ADAMTS20: variants seen among roughly 807,000 people sequenced by gnomAD.
ADAMTS20 encodes A disintegrin and metalloproteinase with thrombospondin motifs 20.
In ADAMTS20, 225 loss-of-function variants were observed where a neutral mutation model predicts 260.1. That is an observed-to-expected ratio of 0.87 (90% CI 0.78 to 0.97). The LOEUF is 0.97. Ranked by LOEUF, ADAMTS20 falls within the 50% of genes least tolerant of loss-of-function variation. ADAMTS20 has a pLI of 0.00. For missense variants in ADAMTS20, 2,400 were observed against 2,337.7 expected (o/e 1.03, Z -0.55); for synonymous variants, 802 against 769.5 (o/e 1.04, Z -0.70).
intron 7 of ADAMTS20, among the ~76,000 whole-genome samples, chr12:43,485,961 C>T (rs919658228): frequency 1.3e-5 from 2 of 152,050 alleles, no homozygotes; most frequent in Non-Finnish European, 2.9e-5. Context: ...ACATCCCATG[C>T]TTGTGGACTG....
chr12:43,389,171 T>C (rs1450378354), intron 29 of ADAMTS20, among the ~76,000 whole-genome samples: 1 of 152,184 alleles, frequency 6.6e-6, no homozygotes, highest in Non-Finnish European at 1.5e-5. Flanking sequence ...TTCAAAAGTC[T>C]ATAAAGTCCA....
In ADAMTS20 at chr12:43,464,744, A is replaced by G; in HGVS notation, c.1368-12T>C. On this transcript the variant is annotated splice_polypyrimidine_tract_variant and intron_variant, in intron 9 of 38. Transcript: ENST00000389420. ...CCCCGTAACCAGTACTGTAACAGTG[A>G]CAGAAAATAAAATATTGTGAATACA... The G allele has an allele frequency of 6.2e-7, 1 of 1,603,206 alleles. No homozygotes were observed. The highest frequency in any genetic ancestry group is 8.5e-7 in the Non-Finnish European group (1 of 1,175,262).
chr12:43,538,950 A>ATTTTT (rs1592116285), intron 2 of ADAMTS20, among the ~76,000 whole-genome samples: 8 of 119,102 alleles, frequency 6.7e-5, no homozygotes, highest in African/African-American at 1.7e-4. Flanking sequence ...TTTTATGAAC[A>ATTTTT]TTCTTTTTTT....
chr12:43,376,797 C>CCCCCAGCATAGTT, intron 32 of ADAMTS20, 144 bp from the exon 33 acceptor site: 2 of 926,562 alleles, frequency 2.2e-6, no homozygotes, highest in Non-Finnish European at 3.1e-6. Flanking sequence ...CAAAACTATG[C>CCCCCAGCATAGTT]TGGGGGCTGG....
At chr12:43,522,747 T>C (rs1432598139) in intron 3 of ADAMTS20, among the ~76,000 whole-genome samples, 1 of 152,186 alleles carries the variant, frequency 6.6e-6, no homozygotes, top group Non-Finnish European at 1.5e-5. Flanking sequence ...TGTTTGTTCA[T>C]CTCATGGGTT....
chr12:43,452,912 C>G (rs1229399545), intron 12 of ADAMTS20, among the ~76,000 whole-genome samples: 1 of 152,050 alleles, frequency 6.6e-6, no homozygotes, highest in African/African-American at 2.4e-5. Context: ...AGGGCAGAAA[C>G]GATACCTTAT....
At chr12:43,475,705 C>A (rs1334594892) in intron 7 of ADAMTS20, among the ~76,000 whole-genome samples, 16 of 149,854 alleles carry the variant, frequency 1.1e-4, no homozygotes, top group African/African-American at 3.7e-4. Flanking sequence ...CTACAACTAT[C>A]TGATCTTTGA....
At chr12:43,443,334 T>C (rs1481565157) in intron 16 of ADAMTS20, among the ~76,000 whole-genome samples, 1 of 152,162 alleles carries the variant, frequency 6.6e-6, no homozygotes, top group Non-Finnish European at 1.5e-5. Context: ...CATATAAAAA[T>C]GTGAAACCAC....
intron 36 of ADAMTS20, among the ~76,000 whole-genome samples, 185 bp from the exon 37 acceptor site, chr12:43,369,566 G>C (rs1362199533): frequency 6.6e-6 from 1 of 151,912 alleles, no homozygotes; most frequent in African/African-American, 2.4e-5. Flanking sequence ...AACAAATTTT[G>C]TTTAATATAA....
At chr12:43,441,326 T>C (rs1219853488) in intron 16 of ADAMTS20, among the ~76,000 whole-genome samples, 2 of 151,658 alleles carry the variant, frequency 1.3e-5, no homozygotes, top group African/African-American at 2.4e-5. Flanking sequence ...TTTATTTATA[T>C]ACTATATATA....
chr12:43,444,362 T>C (rs1412859710), intron 15 of ADAMTS20, among the ~76,000 whole-genome samples: 1 of 152,078 alleles, frequency 6.6e-6, no homozygotes, highest in Non-Finnish European at 1.5e-5. Context: ...TCAATTTCAT[T>C]ATTGAAAAAT....
At chr12:43,508,012 G>A (rs1165864148) in intron 3 of ADAMTS20, among the ~76,000 whole-genome samples, 1 of 151,998 alleles carries the variant, frequency 6.6e-6, no homozygotes, top group Non-Finnish European at 1.5e-5. Flanking sequence ...AGGAGGGAGA[G>A]GAGCAGAAAA....
chr12:43,460,988 A>ATATTTTTTTTTTT, intron 11 of ADAMTS20, among the ~76,000 whole-genome samples: 1 of 26,394 alleles, frequency 3.8e-5, no homozygotes, highest in African/African-American at 1.3e-4. Flanking sequence ...ATATATATAT[A>ATATTTTTTTTTTT]TTTTTTTTTT....
At chr12:43,539,733 C>T (rs73087883) in intron 2 of ADAMTS20, among the ~76,000 whole-genome samples, 22,321 of 152,108 alleles carry the variant, frequency 0.15, 2,294 homozygotes, top group African/African-American at 0.29. Context: ...TTTTAAAAAG[C>T]ATGCTGAAGA....
At chr12:43,420,914 T>A (rs917881010) in intron 28 of ADAMTS20, among the ~76,000 whole-genome samples, 2 of 150,070 alleles carry the variant, frequency 1.3e-5, no homozygotes, top group African/African-American at 4.9e-5. Context: ...TTCAAGCGAT[T>A]CTTCTGCCTC....
chr12:43,472,764 T>C (rs1430155807), intron 7 of ADAMTS20, among the ~76,000 whole-genome samples: 1 of 151,484 alleles, frequency 6.6e-6, no homozygotes, highest in African/African-American at 2.4e-5. Flanking sequence ...AGAAATAAAA[T>C]ACTTTACAAA....
At chr12:43,517,980 A>G (rs1943021835) in intron 3 of ADAMTS20, among the ~76,000 whole-genome samples, 1 of 152,018 alleles carries the variant, frequency 6.6e-6, no homozygotes, top group Non-Finnish European at 1.5e-5. Context: ...TGATAATTTT[A>G]TTTTTCACTG....
At chr12:43,548,744 T>C (rs1416886555) in intron 2 of ADAMTS20, among the ~76,000 whole-genome samples, 1 of 152,106 alleles carries the variant, frequency 6.6e-6, no homozygotes, top group Non-Finnish European at 1.5e-5. Flanking sequence ...TTGATACCTC[T>C]AGTTATTTCC....
At chr12:43,519,463 T>C (rs1377831753) in intron 3 of ADAMTS20, among the ~76,000 whole-genome samples, 2 of 151,026 alleles carry the variant, frequency 1.3e-5, no homozygotes, top group Admixed American at 6.6e-5. Flanking sequence ...AATGAACAAA[T>C]AAAAAAAAAC....
Sources: gnomAD v4.1 joint callset for allele counts (sites outside exome capture counted in the v4.1 genomes callset) on GRCh38, gnomAD v4.1.1 for gene constraint, MANE v1.5 for transcripts, NCBI Gene and HGNC (gene_info 2026-07-23, HGNC 2026-07-21) for gene names.